Variants in FNBP1L observed in about 807,000 individuals in gnomAD.
The protein encoded by FNBP1L is formin-binding protein 1-like.
A neutral mutation model predicts 91.2 loss-of-function variants in FNBP1L; 36 were observed. That is an observed-to-expected ratio of 0.39 (90% CI 0.30 to 0.52). FNBP1L has a LOEUF of 0.52. Among genes scored for constraint, FNBP1L ranks in the 20% least tolerant of loss-of-function variants. The pLI is 0.66. For missense variants in FNBP1L, 571 were observed against 732.1 expected (o/e 0.78, Z 2.54); for synonymous variants, 242 against 237.0 (o/e 1.02, Z -0.19).
intron 1 of FNBP1L, among the ~76,000 whole-genome samples, chr1:93,462,262 A>G (rs576322538): frequency 7.9e-5 from 12 of 152,208 alleles, no homozygotes; most frequent in Non-Finnish European, 1.3e-4. Context: ...ATAAGAGGCC[A>G]TCAGCCTGGA....
chr1:93,551,313 TTGAG>T, intron 16 of FNBP1L: 1 of 1,244,544 alleles, frequency 8.0e-7, no homozygotes, highest in Non-Finnish European at 1.0e-6. Context: ...ACTTTACTGT[TTGAG>T]TAACGTTGGT....
chr1:93,529,328 G>T (rs1490235596), intron 5 of FNBP1L, among the ~76,000 whole-genome samples: 1 of 152,022 alleles, frequency 6.6e-6, no homozygotes. Context: ...AACGTGGATT[G>T]GTTGTAATAG....
intron 5 of FNBP1L, among the ~76,000 whole-genome samples, chr1:93,529,293 T>G (rs1671595030): frequency 6.6e-6 from 1 of 152,142 alleles, no homozygotes; most frequent in South Asian, 2.1e-4. Context: ...CCTCATAGTC[T>G]GTAATTAATG....
chr1:93,554,485 T>C lies in FNBP1L; in HGVS notation c.*2069T>C, dbSNP rs1309296016. On this transcript the variant is annotated 3_prime_UTR_variant, in exon 17 of 17. Coordinates refer to ENST00000271234, the MANE Select transcript of FNBP1L (RefSeq NM_001164473.3). The stretch of plus-strand genomic sequence containing the variant: ...GAAAGACATTTGTACTTGCACAGTT[T>C]AAATCATTCTTAAATTTTGAACATG... 6.5e-6 allele frequency: 1 copy of C among 152,680 alleles called. No individual in the cohort carries two copies. Among genetic ancestry groups the C allele is most frequent in the Non-Finnish European group, 1.5e-5 (1 of 68,040 alleles). The allele number at this position is 152,680 out of a possible 1,614,324, so 9.5% of individuals were successfully genotyped here.
intron 1 of FNBP1L, among the ~76,000 whole-genome samples, chr1:93,459,941 A>ATGTG (rs34705153): frequency 0.14 from 19,322 of 142,138 alleles, 1,354 homozygotes; most frequent in Middle Eastern, 0.17. Context: ...TGGATTTCAG[A>ATGTG]TGTGTGTGTG....
intron 13 of FNBP1L, 139 bp downstream of exon 13, chr1:93,547,113 G>A (rs1672267926): frequency 1.8e-6 from 2 of 1,093,462 alleles, no homozygotes; most frequent in Non-Finnish European, 2.6e-6. Context: ...ATTGTGATGT[G>A]TGTTATTTAA....
intron 10 of FNBP1L, among the ~76,000 whole-genome samples, chr1:93,539,668 C>T (rs1170536710): frequency 2.0e-5 from 3 of 151,986 alleles, no homozygotes; most frequent in African/African-American, 7.2e-5. Flanking sequence ...TGTTGCTTGT[C>T]CTATGTATAA....
intron 2 of FNBP1L, among the ~76,000 whole-genome samples, chr1:93,507,105 ACACTCTCT>A (rs1422658192): frequency 1.1e-3 from 52 of 48,812 alleles, no homozygotes; most frequent in East Asian, 1.6e-3. Context: ...ACACACACAC[ACACTCTCT>A]CTCTCTCTCT....
chr1:93,448,265 G>A lies in FNBP1L; in HGVS notation c.-17G>A. 2 of 1,520,072 alleles carry A rather than the reference G, an allele frequency of 1.3e-6. No individual in the cohort carries two copies. Among genetic ancestry groups the A allele is most frequent in the East Asian group, 2.8e-5 (1 of 35,898 alleles). 94.2% of individuals were successfully genotyped at this position (1,520,072 alleles called of 1,614,324 possible). A position where few individuals can be genotyped will look rare whatever the true frequency, so the allele number is the denominator to read the frequency against. On this transcript the variant is annotated 5_prime_UTR_variant, in exon 1 of 17. Coordinates refer to ENST00000271234, the MANE Select transcript of FNBP1L (RefSeq NM_001164473.3). The stretch of plus-strand genomic sequence containing the variant: ...CTGAAGGACAGCGGCACCGCCAGAC[G>A]GCCAGAAAGTTCCGCCATGAGCTGG...
chr1:93,485,783 G>A lies in FNBP1L; in HGVS notation c.25-13685G>A, dbSNP rs557751746. Reference sequence around the variant, plus strand: ...GTGGTCTCAGCTCACTGCAACCTCCGCCTCCCGGGTTCAAACGATTCTCCT... The same window carrying A: ...GTGGTCTCAGCTCACTGCAACCTCCACCTCCCGGGTTCAAACGATTCTCCT... On this transcript the variant is annotated intron_variant, in intron 1 of 16. Transcript: ENST00000271234. Among the ~76,000 whole-genome samples the A allele has an allele frequency of 1.2e-4, 19 of 152,152 alleles. 2 individuals carry two copies. The highest frequency in any genetic ancestry group is 4.1e-4 in the African/African-American group (17 of 41,506).
At chr1:93,520,019 CTT>C (rs1195267753) in intron 2 of FNBP1L, among the ~76,000 whole-genome samples, 1 of 152,130 alleles carries the variant, frequency 6.6e-6, no homozygotes, top group Non-Finnish European at 1.5e-5. Flanking sequence ...GATCTGAACT[CTT>C]TTCTCAGTGT....
chr1:93,491,909 CT>C (rs546627132), intron 1 of FNBP1L, among the ~76,000 whole-genome samples: 1 of 152,074 alleles, frequency 6.6e-6, no homozygotes, highest in Non-Finnish European at 1.5e-5. Context: ...AAATTTAAAA[CT>C]TTAAAAAATG....
chr1:93,516,898 A>G (rs1671140918), intron 2 of FNBP1L, among the ~76,000 whole-genome samples: 1 of 152,148 alleles, frequency 6.6e-6, no homozygotes, highest in Non-Finnish European at 1.5e-5. Flanking sequence ...ACACCGTTAA[A>G]TCACCTGGTA....
At chr1:93,529,796 A>G in intron 6 of FNBP1L, 40 bp downstream of exon 6, 1 of 1,197,544 alleles carries the variant, frequency 8.4e-7, no homozygotes, top group South Asian at 1.5e-5. Flanking sequence ...TCAAAATATT[A>G]TTATTTGCAT....
intron 1 of FNBP1L, among the ~76,000 whole-genome samples, 171 bp downstream of exon 1, chr1:93,448,476 G>A (rs1218563340): frequency 6.6e-6 from 1 of 152,160 alleles, no homozygotes; most frequent in Non-Finnish European, 1.5e-5. Flanking sequence ...TTCCCTTCTC[G>A]GCCGGGGGTC....
At position 93,553,967 on chromosome 1, in the gene FNBP1L, A is replaced by G. The variant is rs555361558; in HGVS notation, c.*1551A>G. 1.3e-5 allele frequency: 2 copies of G among 152,752 alleles called. No individual in the cohort carries two copies. The highest frequency in any genetic ancestry group is 3.9e-4 in the East Asian group (2 of 5,186). The allele number at this position is 152,752 out of a possible 1,614,324, so 9.5% of individuals were successfully genotyped here. ...TTTTAGAAGCTGTGTGACTGCTTTA[A>G]TAACTTTTTCCCAGTGTTATTTGAA... On this transcript the variant is annotated 3_prime_UTR_variant, in exon 17 of 17. Coordinates refer to ENST00000271234, the MANE Select transcript of FNBP1L (RefSeq NM_001164473.3).
chr1:93,534,876 G>T lies in FNBP1L; in HGVS notation c.958G>T (p.Gly320Cys). The stretch of plus-strand genomic sequence containing the variant: ...CAAAACCACAGTAGGAAAGGCCAAG[G>T]GCAAATTGTGGCTCTTTGGAAAGAA... ...DAKTTVGKAK[G>C]KLWLFGKKPK... Residue 320 changes from glycine (G) to cysteine (C), a missense_variant, in exon 9 of 17, where the codon GGC becomes TGC. Physicochemically the swap from Gly to Cys is radical, Grantham distance 159. Coordinates refer to ENST00000271234, the MANE Select transcript of FNBP1L (RefSeq NM_001164473.3). 6.4e-7 allele frequency: 1 copy of T among 1,574,786 alleles called. No homozygotes were observed. The highest frequency in any genetic ancestry group is 1.2e-5 in the South Asian group (1 of 85,442).
At chr1:93,548,823 T>C (rs890466599) in intron 14 of FNBP1L, among the ~76,000 whole-genome samples, 1 of 152,330 alleles carries the variant, frequency 6.6e-6, no homozygotes, top group Admixed American at 6.5e-5. Flanking sequence ...ACAGGACTTC[T>C]TGTGAACTGG....
chr1:93,476,140 A>G (rs1669486722), intron 1 of FNBP1L, among the ~76,000 whole-genome samples: 1 of 152,242 alleles, frequency 6.6e-6, no homozygotes, highest in African/African-American at 2.4e-5. Context: ...CATGTGAAAT[A>G]TTGGACTGAA....
Sources: allele counts gnomAD v4.1 joint callset (sites outside exome capture counted in the v4.1 genomes callset), GRCh38; gene constraint gnomAD v4.1.1; transcripts MANE v1.5; gene names NCBI Gene and HGNC (gene_info 2026-07-23, HGNC 2026-07-21).